ERICH2: variants seen among roughly 807,000 people sequenced by gnomAD.
The protein encoded by ERICH2 is glutamate rich 2.
ERICH2 carries 17 observed loss-of-function variants against 17.4 expected under a neutral mutation model. The observed-to-expected ratio is 0.98, with a 90% CI of 0.67 to 1.47. The LOEUF (loss-of-function observed/expected upper bound fraction) is 1.47, where lower values mean the gene tolerates loss of function less well. Among genes scored for constraint, ERICH2 ranks in the 40% most tolerant of loss-of-function variants. The pLI, the probability that ERICH2 is intolerant of heterozygous loss-of-function variation, is 0.00. For synonymous variants in ERICH2, 51 were observed against 61.1 expected (o/e 0.83, Z 0.77); for missense variants, 186 against 183.2 (o/e 1.01, Z -0.09).
intron 4 of ERICH2, among the ~76,000 whole-genome samples, chr2:170,798,540 A>C (rs1701485770): frequency 6.6e-6 from 1 of 152,242 alleles, no homozygotes; most frequent in Non-Finnish European, 1.5e-5. Context: ...GACAATAGTA[A>C]AATTATTTTT....
In ERICH2 at chr2:170,798,883, G is replaced by T. The variant is rs755901125; in HGVS notation, c.460G>T (p.Asp154Tyr). Residue 154 changes from aspartate (D) to tyrosine (Y), a missense_variant, in exon 5 of 5, where the codon GAT (aspartate) becomes TAT (tyrosine). Transcript: ENST00000409885. ...TGACGAGAGCTCTGACGAAGGTGAA[G>T]ATGGATCATGAGTGTTGCTGCAATA... 252 of 1,550,476 alleles carry T rather than the reference G, an allele frequency of 1.6e-4. 1 individual carries two copies. The highest frequency in any genetic ancestry group is 1.7e-4 in the Non-Finnish European group (194 of 1,146,994).
the ERICH2 span, among the ~76,000 whole-genome samples, chr2:170,772,909 G>C: frequency 6.6e-6 from 1 of 152,272 alleles, no homozygotes; most frequent in East Asian, 1.9e-4. Context: ...GTGGGATGAA[G>C]AAAAACATGT....
At chr2:170,780,686 A>G (rs1341366020), upstream of ERICH2, among the ~76,000 whole-genome samples, 1 of 152,290 alleles carries the variant, frequency 6.6e-6, no homozygotes, top group East Asian at 1.9e-4. Context: ...AATCAATGTC[A>G]TCTTACACTT....
At chr2:170,777,705 A>G in the ERICH2 span, 1 of 1,227,866 alleles carries the variant, frequency 8.1e-7, no homozygotes. Flanking sequence ...TTGATTGTGC[A>G]GCTGATCTCT....
At chr2:170,773,830 A>G in the ERICH2 span, among the ~76,000 whole-genome samples, 1 of 152,022 alleles carries the variant, frequency 6.6e-6, no homozygotes, top group Non-Finnish European at 1.5e-5. Context: ...GGCTCAAGCC[A>G]TCCTCCTACC....
chr2:170,779,265 C>A (rs1415673140), upstream of ERICH2, among the ~76,000 whole-genome samples: 1 of 152,162 alleles, frequency 6.6e-6, no homozygotes, highest in Admixed American at 6.5e-5. Context: ...GCTCTCCACC[C>A]TGCTGCTGGC....
chr2:170,782,272 A>G (rs970833981), upstream of ERICH2: 1 of 951,024 alleles, frequency 1.1e-6, no homozygotes. Flanking sequence ...TATTGCAAAT[A>G]AAGTCTCTTT....
intron 3 of ERICH2, among the ~76,000 whole-genome samples, chr2:170,794,754 G>C (rs974747770): frequency 6.6e-6 from 1 of 152,216 alleles, no homozygotes; most frequent in African/African-American, 2.4e-5. Context: ...AAGTCCTTAA[G>C]TGAAAATGTA....
At chr2:170,792,487 T>TC (rs1455515499) in intron 2 of ERICH2, among the ~76,000 whole-genome samples, 7 of 152,262 alleles carry the variant, frequency 4.6e-5, no homozygotes, top group African/African-American at 1.7e-4. Context: ...TGCATTTTTT[T>TC]CAACTGTCGT....
chr2:170,777,811 T>C, the ERICH2 span: 1 of 464,854 alleles, frequency 2.2e-6, no homozygotes, highest in Admixed American at 4.7e-5. Context: ...CACTTCAGCT[T>C]TTGCTGCAGT....
intron 3 of ERICH2, among the ~76,000 whole-genome samples, chr2:170,793,756 A>G (rs968665712): frequency 2.6e-5 from 4 of 152,164 alleles, no homozygotes; most frequent in African/African-American, 9.7e-5. Context: ...TAGAGCAATG[A>G]TATGATCTAC....
chr2:170,795,676 CAA>C (rs1327184779), intron 3 of ERICH2, among the ~76,000 whole-genome samples: 2 of 152,270 alleles, frequency 1.3e-5, no homozygotes, highest in African/African-American at 4.8e-5. Context: ...AACTGAAAGT[CAA>C]GAGTCCAAAG....
the ERICH2 span, chr2:170,775,634 A>T: frequency 6.6e-6 from 1 of 152,166 alleles, no homozygotes; most frequent in Non-Finnish European, 1.5e-5. Context: ...ACCAGAGGAA[A>T]ATCTTTCATT....
intron 3 of ERICH2, among the ~76,000 whole-genome samples, chr2:170,796,476 C>T (rs1377154848): frequency 7.4e-6 from 1 of 134,392 alleles, no homozygotes. Context: ...CCCTCAGTCA[C>T]TTAGGCTGGG....
chr2:170,773,790 A>G, the ERICH2 span, among the ~76,000 whole-genome samples: 1 of 152,094 alleles, frequency 6.6e-6, no homozygotes, highest in African/African-American at 2.4e-5. Context: ...CAGTGGCACA[A>G]TCATAGCTCA....
At chr2:170,790,233 C>T (rs750745926) in intron 2 of ERICH2, among the ~76,000 whole-genome samples, 1 of 152,206 alleles carries the variant, frequency 6.6e-6, no homozygotes, top group Non-Finnish European at 1.5e-5. Flanking sequence ...TGGTGGCTCA[C>T]GCCTGTAATC....
At chr2:170,777,187 T>C in the ERICH2 span, 1 of 160,010 alleles carries the variant, frequency 6.2e-6, no homozygotes, top group East Asian at 1.9e-4. Context: ...GGTGAGAGTA[T>C]ATAATTTTTT....
the ERICH2 span, among the ~76,000 whole-genome samples, chr2:170,771,879 T>G: frequency 6.6e-6 from 1 of 152,208 alleles, no homozygotes; most frequent in Admixed American, 6.5e-5. This position sits in a 1 kb window ranked among gnomAD's most constrained non-coding sequence, Gnocchi z 4.8. Context: ...TTGGCATAGG[T>G]GTCTTGGCTG....
intron 2 of ERICH2, among the ~76,000 whole-genome samples, chr2:170,790,642 A>C (rs1053366473): frequency 2.0e-5 from 3 of 151,972 alleles, no homozygotes; most frequent in Admixed American, 6.6e-5. Context: ...AATAAAAATA[A>C]AAATACAAAC....
Sources: gnomAD v4.1 joint callset for allele counts (sites outside exome capture counted in the v4.1 genomes callset) on GRCh38, gnomAD v4.1.1 for gene constraint, Gnocchi (gnomAD v3.1) non-coding constraint, MANE v1.5 for transcripts, NCBI Gene and HGNC (gene_info 2026-07-23, HGNC 2026-07-21) for gene names.